Variants in SELENOF observed in about 807,000 individuals in gnomAD.
SELENOF encodes 15 kDa selenoprotein.
SELENOF carries 16 observed loss-of-function variants against 20.5 expected under a neutral mutation model. The ratio of observed to expected loss-of-function variants is 0.78; its 90% confidence interval spans 0.53 to 1.19. The LOEUF is 1.19. SELENOF is among the 50% of genes most tolerant of loss of function. The pLI, the probability that SELENOF is intolerant of heterozygous loss-of-function variation, is 0.00. For missense variants in SELENOF, 215 were observed against 194.2 expected (o/e 1.11, Z -0.64); for synonymous variants, 78 against 74.5 (o/e 1.05, Z -0.24).
At chr1:86,894,341 A>G (rs921977751) in intron 2 of SELENOF, among the ~76,000 whole-genome samples, 7 of 152,076 alleles carry the variant, frequency 4.6e-5, no homozygotes, top group African/African-American at 1.7e-4. Flanking sequence ...TTGTTTTTTT[A>G]TGAAATAATT....
intron 1 of SELENOF, 115 bp from the exon 2 acceptor site, chr1:86,903,563 GT>G (rs1659757533): frequency 1.5e-6 from 1 of 650,626 alleles, no homozygotes; most frequent in Admixed American, 4.0e-5. Flanking sequence ...TTACTGAAAT[GT>G]TTCATTTGGA....
At chr1:86,891,102 T>C (rs1570393656) in intron 2 of SELENOF, among the ~76,000 whole-genome samples, 1 of 149,698 alleles carries the variant, frequency 6.7e-6, no homozygotes, top group South Asian at 2.1e-4. Flanking sequence ...CAGGCTGGAG[T>C]GCAATGGCAA....
At chr1:86,893,785 G>A (rs1412527401) in intron 2 of SELENOF, among the ~76,000 whole-genome samples, 4 of 151,812 alleles carry the variant, frequency 2.6e-5, no homozygotes, top group Admixed American at 6.6e-5. Flanking sequence ...AAGGCAGAGT[G>A]TAATACATAT....
intron 2 of SELENOF, among the ~76,000 whole-genome samples, chr1:86,894,419 A>G (rs1037045305): frequency 2.6e-5 from 4 of 152,292 alleles, no homozygotes; most frequent in Non-Finnish European, 4.4e-5. Flanking sequence ...TTTTAAAAAT[A>G]TCATGGTTTC....
rs561348679 is a variant in SELENOF at position 86,875,110 on chromosome 1, G to A, written c.316+5552C>T. On this transcript the variant is annotated intron_variant, in intron 3 of 4. Coordinates refer to ENST00000331835, the MANE Select transcript of SELENOF (RefSeq NM_004261.5). ...AAAAAAGTTAGCTGGGTGTGGTGGC[G>A]CATGCCTGTAATCCCAGCTACTTGG... is the stretch of plus-strand genomic sequence containing the variant. Among the ~76,000 whole-genome samples the A allele has an allele frequency of 4.1e-3, 623 of 152,014 alleles. 5 individuals carry two copies. The highest frequency in any genetic ancestry group is 0.014 in the African/African-American group (584 of 41,460).
intron 3 of SELENOF, 93 bp downstream of exon 3, chr1:86,880,569 A>C (rs1323877066): frequency 3.1e-6 from 2 of 649,182 alleles, no homozygotes; most frequent in African/African-American, 3.8e-5. Context: ...TAATCCTAAA[A>C]ATTCTTATTC....
intron 1 of SELENOF, among the ~76,000 whole-genome samples, chr1:86,908,171 T>C (rs1659879248): frequency 6.6e-6 from 1 of 152,196 alleles, no homozygotes; most frequent in Non-Finnish European, 1.5e-5. Flanking sequence ...TTGTTACACT[T>C]ACACCTACAT....
intron 2 of SELENOF, among the ~76,000 whole-genome samples, chr1:86,902,307 T>C (rs768342045): frequency 6.6e-6 from 1 of 152,200 alleles, no homozygotes; most frequent in Non-Finnish European, 1.5e-5. Context: ...TTTGAGATAC[T>C]TGGAATTTCA....
intron 1 of SELENOF, among the ~76,000 whole-genome samples, chr1:86,907,791 C>G (rs1659867644): frequency 1.3e-5 from 2 of 152,004 alleles, no homozygotes; most frequent in Admixed American, 1.3e-4. Context: ...TGAGACCAGC[C>G]TGGCCAACAT....
At chr1:86,911,820 G>T (rs1659991462) in intron 1 of SELENOF, among the ~76,000 whole-genome samples, 1 of 145,698 alleles carries the variant, frequency 6.9e-6, no homozygotes, top group Non-Finnish European at 1.5e-5. Flanking sequence ...GTCCTGCTCT[G>T]TTACCCAGAC....
intron 2 of SELENOF, among the ~76,000 whole-genome samples, chr1:86,897,582 G>A (rs770595293): frequency 3.3e-5 from 5 of 152,144 alleles, no homozygotes; most frequent in Non-Finnish European, 7.3e-5. Context: ...CTAGTACCTA[G>A]CTCTGCTCTT....
At chr1:86,909,497 A>G (rs1180519434) in intron 1 of SELENOF, among the ~76,000 whole-genome samples, 1 of 152,198 alleles carries the variant, frequency 6.6e-6, no homozygotes, top group African/African-American at 2.4e-5. Flanking sequence ...AACAACACAA[A>G]TGAACTGGGG....
intron 2 of SELENOF, among the ~76,000 whole-genome samples, chr1:86,881,669 T>G (rs1018610636): frequency 3.3e-5 from 5 of 152,202 alleles, no homozygotes; most frequent in African/African-American, 1.2e-4. Flanking sequence ...CCTATGCATG[T>G]TTATTTAAAA....
chr1:86,880,529 GA>G (rs1246550002), intron 3 of SELENOF, 132 bp downstream of exon 3: 8 of 507,552 alleles, frequency 1.6e-5, no homozygotes, highest in Middle Eastern at 1.1e-3. Flanking sequence ...AAAACAAATT[GA>G]AAAAAAAGCA....
rs192364236 is a variant in SELENOF at position 86,862,721 on chromosome 1, T to C, written c.*753A>G. ...AAACCAGAAGAATTCCAAATTCAGATAGATTTTTGAAACTTTTTATTTATA... is the reference window on the plus strand; with the variant it reads ...AAACCAGAAGAATTCCAAATTCAGACAGATTTTTGAAACTTTTTATTTATA... On this transcript the variant is annotated 3_prime_UTR_variant, in exon 5 of 5. Coordinates refer to ENST00000331835, the MANE Select transcript of SELENOF (RefSeq NM_004261.5). The C allele has an allele frequency of 1.3e-5, 2 of 152,322 alleles. No individual in the cohort carries two copies. Among genetic ancestry groups the C allele is most frequent in the East Asian group, 1.9e-4 (1 of 5,192 alleles). The allele number at this position is 152,322 out of a possible 1,614,324, so 9.4% of individuals were successfully genotyped here. A position where few individuals can be genotyped will look rare whatever the true frequency, so the allele number is the denominator to read the frequency against.
chr1:86,871,367 A>C (rs72945874), intron 3 of SELENOF, among the ~76,000 whole-genome samples: 157 of 152,342 alleles, frequency 1.0e-3, no homozygotes, highest in African/African-American at 3.3e-3. Context: ...AAACAAAATA[A>C]GAACTGAGAA....
At chr1:86,873,302 C>G (rs986308330) in intron 3 of SELENOF, among the ~76,000 whole-genome samples, 1 of 151,854 alleles carries the variant, frequency 6.6e-6, no homozygotes, top group African/African-American at 2.4e-5. Context: ...CCTTTCTGAC[C>G]TTGGTAATAT....
At chr1:86,875,449 G>A (rs867124664) in intron 3 of SELENOF, among the ~76,000 whole-genome samples, 3 of 152,014 alleles carry the variant, frequency 2.0e-5, no homozygotes, top group African/African-American at 7.2e-5. Context: ...TTTTATAAAC[G>A]TTTGAATCCT....
chr1:86,900,227 C>A (rs1278553880), intron 2 of SELENOF, among the ~76,000 whole-genome samples: 1 of 151,894 alleles, frequency 6.6e-6, no homozygotes. Context: ...TTTGGGAGGC[C>A]AAGGCAGGCG....
Sources: allele counts gnomAD v4.1 joint callset (sites outside exome capture counted in the v4.1 genomes callset), GRCh38; gene constraint gnomAD v4.1.1; transcripts MANE v1.5; gene names NCBI Gene and HGNC (gene_info 2026-07-23, HGNC 2026-07-21).